Variants in CNIH3 observed in about 807,000 individuals in gnomAD.
CNIH3 encodes the protein protein cornichon homolog 3.
A neutral mutation model predicts 24.1 loss-of-function variants in CNIH3; 14 were observed. The observed-to-expected ratio is 0.58, with a 90% CI of 0.38 to 0.91. The LOEUF (loss-of-function observed/expected upper bound fraction) is 0.91, where lower values mean the gene tolerates loss of function less well. CNIH3 is among the 40% of genes least tolerant of loss of function. CNIH3 has a pLI of 0.00. For synonymous variants in CNIH3, 68 were observed against 73.8 expected (o/e 0.92, Z 0.40); for missense variants, 178 against 196.8 (o/e 0.90, Z 0.57).
Position 224,510,596 on chromosome 1 carries a change from C to CA in CNIH3, n.204-5133dup, listed in dbSNP as rs777592587. Among the ~76,000 whole-genome samples the CA allele has an allele frequency of 5.0e-3, 466 of 93,656 alleles. 5 individuals are homozygous for CA. The highest frequency in any genetic ancestry group is 0.048 in the South Asian group (149 of 3,120). 61.4% of individuals were successfully genotyped at this position (93,656 alleles called of 152,430 possible). ...TGGGCAACAGAACAGGACCCTGTCT[C>CA]AAAAAAAAAAAACAAAAAAAAAACA... On this transcript the variant is annotated intron_variant and non_coding_transcript_variant, in intron 1 of 5. Transcript: ENST00000471578.
rs560169015 is a variant in CNIH3, at chr1:224,656,769, C to T, written c.82-24189C>T. On this transcript the variant is annotated intron_variant, in intron 1 of 5. Coordinates refer to ENST00000272133, the MANE Select transcript of CNIH3 (RefSeq NM_152495.2). The stretch of plus-strand genomic sequence containing the variant: ...CCTCCAGTTTCAAAGAGTGGAGAGG[C>T]GCATCTGTAGGGAACTGGAGCTTGT... 5.3e-5 allele frequency among the ~76,000 whole-genome samples: 8 copies of T among 152,202 alleles called. No homozygotes were observed. The South Asian group carries it at 6.2e-4, about 12-fold the overall frequency.
At chr1:224,483,465 C>T (rs913050301) in intron 1 of CNIH3, among the ~76,000 whole-genome samples, 13 of 151,930 alleles carry the variant, frequency 8.6e-5, no homozygotes, top group Non-Finnish European at 1.3e-4. Flanking sequence ...CTTGGCTCAC[C>T]GCAACCTCCG....
intron 3 of CNIH3, among the ~76,000 whole-genome samples, chr1:224,549,719 T>C (rs1499283): frequency 0.31 from 47,164 of 151,790 alleles, 9,878 homozygotes; most frequent in African/African-American, 0.6. Flanking sequence ...ACTATGAGAG[T>C]GATGATATTT....
At chr1:224,575,778 A>G (rs1445024957) in intron 4 of CNIH3, among the ~76,000 whole-genome samples, 1 of 152,148 alleles carries the variant, frequency 6.6e-6, no homozygotes, top group Non-Finnish European at 1.5e-5. Flanking sequence ...CTGAAGAAAA[A>G]TTACGAAGAT....
At chr1:224,711,794 C>CAAAAAAAAA (rs11437581) in intron 3 of CNIH3, among the ~76,000 whole-genome samples, 4 of 65,664 alleles carry the variant, frequency 6.1e-5, no homozygotes, top group East Asian at 4.4e-4. Context: ...GACCCTGTCT[C>CAAAAAAAAA]AAAAAAAAAA....
intron 3 of CNIH3, among the ~76,000 whole-genome samples, chr1:224,686,890 TC>T (rs34273625): frequency 1.3e-5 from 2 of 152,334 alleles, no homozygotes; most frequent in African/African-American, 4.8e-5. Flanking sequence ...TTGCATAAGT[TC>T]CTATAAACAA....
chr1:224,551,338 A>G (rs544905268), intron 3 of CNIH3, among the ~76,000 whole-genome samples: 2 of 152,194 alleles, frequency 1.3e-5, no homozygotes, highest in African/African-American at 4.8e-5. Flanking sequence ...TCCAACAATG[A>G]TAGACTAGAT....
rs1689788989 is a variant in CNIH3 at position 224,739,939 on chromosome 1, C to G, written c.*583C>G. The G allele has an allele frequency of 6.6e-6, 1 of 152,370 alleles. No homozygotes were observed. The highest frequency in any genetic ancestry group is 1.5e-5 in the Non-Finnish European group (1 of 68,232). The allele number at this position is 152,370 out of a possible 1,614,324, so 9.4% of individuals were successfully genotyped here. A position where few individuals can be genotyped will look rare whatever the true frequency, so the allele number is the denominator to read the frequency against. On this transcript the variant is annotated 3_prime_UTR_variant, in exon 6 of 6. Coordinates refer to ENST00000272133, the MANE Select transcript of CNIH3 (RefSeq NM_152495.2). ...TCTTCAGCTGCAACCAGCCTTGAGC[C>G]TGCTGGGCTATTTTCAGCTGAGGAG...
At chr1:224,554,266 G>T (rs2786562) in intron 3 of CNIH3, among the ~76,000 whole-genome samples, 141,146 of 152,188 alleles carry the variant, frequency 0.93, 65,556 homozygotes, top group African/African-American at 0.98. Context: ...ACACTCACCT[G>T]GGAAAGACAT....
At chr1:224,563,264 G>A (rs113354562) in intron 3 of CNIH3, among the ~76,000 whole-genome samples, 4,681 of 152,100 alleles carry the variant, frequency 0.031, 227 homozygotes, top group African/African-American at 0.1. Context: ...TTCCTTTATA[G>A]CAACACAAAA....
chr1:224,526,390 TC>T (rs1397404383), intron 2 of CNIH3, among the ~76,000 whole-genome samples: 4 of 152,084 alleles, frequency 2.6e-5, no homozygotes, highest in Admixed American at 1.3e-4. Context: ...GGAGCTTTTT[TC>T]CCCCTTTGTG....
At chr1:224,556,408 T>C (rs1447211979) in intron 3 of CNIH3, among the ~76,000 whole-genome samples, 1 of 152,232 alleles carries the variant, frequency 6.6e-6, no homozygotes, top group Non-Finnish European at 1.5e-5. Context: ...TATTCCAAAC[T>C]GGCTGGCTTT....
At chr1:224,656,342 AC>A (rs1456484386) in intron 1 of CNIH3, among the ~76,000 whole-genome samples, 5 of 152,220 alleles carry the variant, frequency 3.3e-5, no homozygotes, top group Non-Finnish European at 1.5e-5. Flanking sequence ...GCATCGATAA[AC>A]CAAATTTTAA....
upstream of CNIH3, among the ~76,000 whole-genome samples, chr1:224,511,015 C>T (rs552151462): frequency 1.3e-5 from 2 of 152,352 alleles, no homozygotes; most frequent in South Asian, 4.1e-4. Context: ...TGAAAAAGAT[C>T]TCTGTTTATG....
chr1:224,661,740 G>C (rs1327608593), intron 1 of CNIH3: 1 of 196,794 alleles, frequency 5.1e-6, no homozygotes, highest in Non-Finnish European at 1.1e-5. Context: ...CTCACGTCTC[G>C]GCTACTTGTT....
intron 1 of CNIH3, among the ~76,000 whole-genome samples, chr1:224,447,737 G>T (rs1184620078): frequency 6.6e-6 from 1 of 152,240 alleles, no homozygotes; most frequent in East Asian, 1.9e-4. Flanking sequence ...CCCATGGCCA[G>T]TAGGAGTGAA....
In CNIH3 at chr1:224,703,380, G is replaced by A. The variant is rs971254972; in HGVS notation, c.198+18537G>A. On this transcript the variant is annotated intron_variant, in intron 3 of 5. Transcript: ENST00000272133. This position sits in a 1 kb window ranked among gnomAD's most constrained non-coding sequence, Gnocchi z 4.2. ...TGCCGCACATTAGAATCACCTGGGG[G>A]AAATTTTAAAAATCCTGATGCCCAG... Among the ~76,000 whole-genome samples the A allele has an allele frequency of 6.6e-6, 1 of 151,886 alleles. No individual in the cohort carries two copies. Among genetic ancestry groups the A allele is most frequent in the Admixed American group, 6.6e-5 (1 of 15,266 alleles).
chr1:224,675,344 G>C (rs1221155028), intron 1 of CNIH3, among the ~76,000 whole-genome samples: 1 of 152,148 alleles, frequency 6.6e-6, no homozygotes, highest in East Asian at 1.9e-4. Flanking sequence ...CCTTCCTAAA[G>C]AGAAAACTCA....
chr1:224,579,055 T>A (rs1196077577), intron 4 of CNIH3, among the ~76,000 whole-genome samples: 2 of 147,584 alleles, frequency 1.4e-5, no homozygotes, highest in Non-Finnish European at 3.0e-5. Flanking sequence ...GAACTGATCA[T>A]GTTTCTTTTT....
Sources: allele counts gnomAD v4.1 joint callset (sites outside exome capture counted in the v4.1 genomes callset), GRCh38; gene constraint gnomAD v4.1.1; non-coding constraint Gnocchi (gnomAD v3.1); transcripts MANE v1.5; gene names NCBI Gene and HGNC (gene_info 2026-07-23, HGNC 2026-07-21).